SEMA5A: variants seen among roughly 807,000 people sequenced by gnomAD.
The protein encoded by SEMA5A is semaphorin 5A.
In SEMA5A, 55 loss-of-function variants were observed where a neutral mutation model predicts 135.5. The ratio of observed to expected loss-of-function variants is 0.41; its 90% CI spans 0.33 to 0.51. SEMA5A has a LOEUF of 0.51. Ranked by LOEUF, SEMA5A falls within the 20% of genes least tolerant of loss-of-function variation. The pLI is 0.37. For missense variants in SEMA5A, 1,290 were observed against 1,419.9 expected, an observed-to-expected ratio of 0.91 and a Z score of 1.47; for synonymous variants, 580 against 546.5, an observed-to-expected ratio of 1.06 and a Z score of -0.85.
At chr5:9,062,838 C>T in intron 18 of SEMA5A, 49 bp downstream of exon 18, 1 of 1,594,250 alleles carries the variant, frequency 6.3e-7, no homozygotes, top group Non-Finnish European at 8.6e-7. Flanking sequence ...GAAGACTCTC[C>T]AAGGCCCTTG....
intron 2 of SEMA5A, among the ~76,000 whole-genome samples, chr5:9,409,923 A>C (rs1416135368): frequency 1.3e-5 from 2 of 148,238 alleles, no homozygotes; most frequent in Admixed American, 6.8e-5. Context: ...GTTTCATATT[A>C]AGTAAATCTT....
At chr5:9,419,528 C>A (rs777716247) in intron 2 of SEMA5A, among the ~76,000 whole-genome samples, 1 of 152,116 alleles carries the variant, frequency 6.6e-6, no homozygotes, top group Non-Finnish European at 1.5e-5. Flanking sequence ...CAACGATGGT[C>A]GAGGATGCTG....
chr5:9,113,358 T>A (rs1421443943), intron 15 of SEMA5A, among the ~76,000 whole-genome samples: 6 of 152,088 alleles, frequency 3.9e-5, no homozygotes, highest in African/African-American at 1.4e-4. Context: ...CCTTGAACCA[T>A]CCATTAGTAG....
At chr5:9,390,643 A>G (rs1756119513) in intron 2 of SEMA5A, among the ~76,000 whole-genome samples, 1 of 152,144 alleles carries the variant, frequency 6.6e-6, no homozygotes, top group Admixed American at 6.5e-5. Flanking sequence ...CAATGCCGAT[A>G]CCTTTGAGTT....
chr5:9,493,304 T>A (rs1735127481), intron 1 of SEMA5A, among the ~76,000 whole-genome samples: 1 of 150,670 alleles, frequency 6.6e-6, no homozygotes. Context: ...TATCTATATA[T>A]ATAAAACATT....
chr5:9,273,329 T>C (rs887381018), intron 5 of SEMA5A, among the ~76,000 whole-genome samples: 45 of 152,080 alleles, frequency 3.0e-4, no homozygotes, highest in Non-Finnish European at 4.7e-4. Flanking sequence ...CCAAGAAATA[T>C]GGGACTATGT....
At chr5:9,294,563 T>C (rs1321995864) in intron 5 of SEMA5A, among the ~76,000 whole-genome samples, 1 of 152,188 alleles carries the variant, frequency 6.6e-6, no homozygotes, top group African/African-American at 2.4e-5. Flanking sequence ...CCTAGTGCTG[T>C]CCTTATACCT....
At chr5:9,159,394 T>C (rs1391485843) in intron 11 of SEMA5A, among the ~76,000 whole-genome samples, 2 of 152,258 alleles carry the variant, frequency 1.3e-5, no homozygotes, top group African/African-American at 4.8e-5. Context: ...CTAGAAGTCA[T>C]AGAACTTAGC....
intron 6 of SEMA5A, among the ~76,000 whole-genome samples, chr5:9,236,122 C>T (rs1747894317): frequency 6.6e-6 from 1 of 152,126 alleles, no homozygotes; most frequent in African/African-American, 2.4e-5. Flanking sequence ...CCCCAGGTCT[C>T]TTCTAGCACA....
chr5:9,099,309 T>C (rs1266087071), intron 16 of SEMA5A, among the ~76,000 whole-genome samples: 2 of 152,198 alleles, frequency 1.3e-5, no homozygotes, highest in Non-Finnish European at 2.9e-5. Context: ...TTTAACAACA[T>C]GTGGCATTTT....
intron 1 of SEMA5A, among the ~76,000 whole-genome samples, chr5:9,535,888 T>G (rs1350968953): frequency 2.6e-5 from 4 of 152,172 alleles, no homozygotes; most frequent in Non-Finnish European, 5.9e-5. Flanking sequence ...TCCAGTGTGA[T>G]GCAGACGTCG....
chr5:9,511,752 G>T (rs1049958233), intron 1 of SEMA5A, among the ~76,000 whole-genome samples: 2 of 152,100 alleles, frequency 1.3e-5, no homozygotes, highest in African/African-American at 4.8e-5. Flanking sequence ...TAATTAGCTG[G>T]ATTTAATCAT....
intron 4 of SEMA5A, among the ~76,000 whole-genome samples, chr5:9,325,187 T>C (rs1752814140): frequency 2.0e-5 from 3 of 152,022 alleles, no homozygotes; most frequent in Admixed American, 6.6e-5. Context: ...TTCAGTGTTA[T>C]GGCTATAGCA....
At chr5:9,106,867 A>T (rs1164877448) in intron 16 of SEMA5A, among the ~76,000 whole-genome samples, 1 of 152,228 alleles carries the variant, frequency 6.6e-6, no homozygotes, top group African/African-American at 2.4e-5. Context: ...GTACTAGACT[A>T]TATGAGAGCT....
chr5:9,527,677 A>G (rs568075814), intron 1 of SEMA5A, among the ~76,000 whole-genome samples: 61 of 152,370 alleles, frequency 4.0e-4, no homozygotes, highest in Non-Finnish European at 3.7e-4. Flanking sequence ...ACTATGGAAC[A>G]GGCAATTTAC....
chr5:9,486,924 T>G (rs987438077), intron 1 of SEMA5A, among the ~76,000 whole-genome samples: 1 of 152,136 alleles, frequency 6.6e-6, no homozygotes, highest in Non-Finnish European at 1.5e-5. Flanking sequence ...GTTGTGATTT[T>G]GAAATTAGCA....
intron 11 of SEMA5A, among the ~76,000 whole-genome samples, chr5:9,171,750 G>A (rs750327451): frequency 6.6e-6 from 1 of 152,150 alleles, no homozygotes; most frequent in Non-Finnish European, 1.5e-5. Flanking sequence ...ATGTCCTCCA[G>A]CTAAACACAC....
chr5:9,169,379 T>C (rs901894747), intron 11 of SEMA5A, among the ~76,000 whole-genome samples: 3 of 152,178 alleles, frequency 2.0e-5, no homozygotes, highest in African/African-American at 4.8e-5. Flanking sequence ...AAGTAATGTG[T>C]CCTCTCTCCA....
intron 5 of SEMA5A, among the ~76,000 whole-genome samples, chr5:9,283,449 G>A (rs1750642041): frequency 6.6e-6 from 1 of 152,206 alleles, no homozygotes. Flanking sequence ...AAAGACAACA[G>A]AAGGGCACCT....
Sources: allele counts gnomAD v4.1 joint callset (sites outside exome capture counted in the v4.1 genomes callset), GRCh38; gene constraint gnomAD v4.1.1; transcripts MANE v1.5; gene names NCBI Gene and HGNC (gene_info 2026-07-23, HGNC 2026-07-21).